The following PABPC4L variants were observed in gnomAD, a reference collection of about 807,000 sequenced individuals.
PABPC4L encodes polyadenylate-binding protein 4-like.
For missense variants in PABPC4L, 452 were observed against 451.4 expected (o/e 1.00, Z -0.01); for synonymous variants, 169 against 164.1 (o/e 1.03, Z -0.23).
At chr4:134,039,109 C>T in the PABPC4L span, among the ~76,000 whole-genome samples, 1 of 152,088 alleles carries the variant, frequency 6.6e-6, no homozygotes, top group African/African-American at 2.4e-5. Flanking sequence ...GCAGGTTGTT[C>T]AGTTTCCATG....
chr4:134,154,316 C>T, the PABPC4L span, among the ~76,000 whole-genome samples: 1 of 151,924 alleles, frequency 6.6e-6, no homozygotes, highest in African/African-American at 2.4e-5. Context: ...ATTATCTAGG[C>T]GTGGTGGCGC....
chr4:133,962,417 A>G, the PABPC4L span, among the ~76,000 whole-genome samples: 3 of 152,236 alleles, frequency 2.0e-5, no homozygotes. Flanking sequence ...TATCCAAGGG[A>G]ATAGATAGCA....
At chr4:133,990,626 C>T in the PABPC4L span, among the ~76,000 whole-genome samples, 3 of 152,138 alleles carry the variant, frequency 2.0e-5, no homozygotes, top group African/African-American at 7.2e-5. Flanking sequence ...AATGCAGCAG[C>T]AGCAACAGCA....
chr4:133,949,078 T>C, the PABPC4L span, among the ~76,000 whole-genome samples: 1 of 152,164 alleles, frequency 6.6e-6, no homozygotes, highest in African/African-American at 2.4e-5. Flanking sequence ...GTGATTGATA[T>C]AGGATTCCAT....
the PABPC4L span, among the ~76,000 whole-genome samples, chr4:134,106,715 T>G: frequency 1.3e-5 from 2 of 151,520 alleles, no homozygotes; most frequent in Admixed American, 6.6e-5. Flanking sequence ...GGAAGATTTC[T>G]AAGGGTGGTA....
chr4:134,148,369 A>C, the PABPC4L span, among the ~76,000 whole-genome samples: 1 of 152,130 alleles, frequency 6.6e-6, no homozygotes, highest in Admixed American at 6.6e-5. Context: ...TTTAAAACAC[A>C]AACAAAACCA....
At chr4:134,146,419 C>T in the PABPC4L span, among the ~76,000 whole-genome samples, 3 of 152,010 alleles carry the variant, frequency 2.0e-5, no homozygotes, top group East Asian at 5.8e-4. Context: ...GGCTTTTTCA[C>T]TCCCTTAGTT....
chr4:134,087,527 T>G, the PABPC4L span, among the ~76,000 whole-genome samples: 1 of 152,154 alleles, frequency 6.6e-6, no homozygotes, highest in African/African-American at 2.4e-5. Context: ...AGGGTAAAGC[T>G]GCCCGCCTAA....
the PABPC4L span, among the ~76,000 whole-genome samples, chr4:133,990,808 T>A: frequency 6.6e-6 from 1 of 152,210 alleles, no homozygotes; most frequent in Non-Finnish European, 1.5e-5. Flanking sequence ...AACAGATTTA[T>A]CGAGATAAGT....
At chr4:134,185,992 C>T in the PABPC4L span, among the ~76,000 whole-genome samples, 3 of 152,052 alleles carry the variant, frequency 2.0e-5, no homozygotes, top group Non-Finnish European at 4.4e-5. Flanking sequence ...AGGTGAAGGA[C>T]CTCTTCAAGG....
At chr4:134,021,629 A>G in the PABPC4L span, among the ~76,000 whole-genome samples, 2 of 152,168 alleles carry the variant, frequency 1.3e-5, no homozygotes, top group Admixed American at 6.6e-5. Flanking sequence ...TGTCTAGTTA[A>G]GGACCATAAT....
At chr4:134,051,851 T>A in the PABPC4L span, among the ~76,000 whole-genome samples, 1 of 152,112 alleles carries the variant, frequency 6.6e-6, no homozygotes, top group African/African-American at 2.4e-5. Context: ...CCTAGAACAA[T>A]GCTTAATGTT....
At chr4:134,194,056 T>C (rs1560835524), downstream of PABPC4L, among the ~76,000 whole-genome samples, 1 of 151,836 alleles carries the variant, frequency 6.6e-6, no homozygotes, top group Non-Finnish European at 1.5e-5. Flanking sequence ...AAAGAGTAGG[T>C]AATTATGTGT....
chr4:134,034,311 A>G, the PABPC4L span, among the ~76,000 whole-genome samples: 1 of 151,924 alleles, frequency 6.6e-6, no homozygotes, highest in Non-Finnish European at 1.5e-5. Context: ...TTGACAATGC[A>G]TCTAGTCACC....
chr4:134,026,578 T>C, the PABPC4L span, among the ~76,000 whole-genome samples: 2 of 152,158 alleles, frequency 1.3e-5, no homozygotes, highest in Non-Finnish European at 2.9e-5. Flanking sequence ...GTGTATTCCC[T>C]CTCTGAATTA....
chr4:134,181,385 C>T, the PABPC4L span, among the ~76,000 whole-genome samples: 3 of 151,904 alleles, frequency 2.0e-5, no homozygotes, highest in African/African-American at 7.2e-5. Context: ...ACAGTAAGAG[C>T]CATCTATGAT....
chr4:134,042,224 C>T, the PABPC4L span, among the ~76,000 whole-genome samples: 78,340 of 151,850 alleles, frequency 0.52, 21,589 homozygotes, highest in East Asian at 0.93. Context: ...TTCTCCCTTA[C>T]AGGTGGGAGC....
the PABPC4L span, among the ~76,000 whole-genome samples, chr4:134,024,662 G>T: frequency 6.6e-6 from 1 of 152,090 alleles, no homozygotes; most frequent in Non-Finnish European, 1.5e-5. Context: ...AGGCTTCAAA[G>T]AAATGAATTC....
chr4:134,043,931 G>A, the PABPC4L span, among the ~76,000 whole-genome samples: 10 of 141,726 alleles, frequency 7.1e-5, no homozygotes, highest in African/African-American at 2.3e-4. Flanking sequence ...TGTGTGTGTC[G>A]ACGGATGTCT....
Sources: allele counts gnomAD v4.1 joint callset (sites outside exome capture counted in the v4.1 genomes callset), GRCh38; gene constraint gnomAD v4.1.1; transcripts MANE v1.5; gene names NCBI Gene and HGNC (gene_info 2026-07-23, HGNC 2026-07-21).